The following SVIL variants were observed in gnomAD, a reference collection of about 807,000 sequenced individuals.
The protein encoded by SVIL is supervillin.
Under a neutral mutation model 240.4 loss-of-function variants are expected in SVIL, and 101 were observed. That is an observed-to-expected ratio of 0.42 (90% confidence interval 0.36 to 0.50). The LOEUF is 0.50. Ranked by LOEUF, SVIL falls within the 20% of genes least tolerant of loss-of-function variation. SVIL has a pLI of 0.01. For missense variants in SVIL, 2,512 were observed against 2,818.7 expected (o/e 0.89, Z 2.46); for synonymous variants, 999 against 1,100.0 (o/e 0.91, Z 1.82).
chr10:29,655,862 G>T (rs984982151), intron 3 of SVIL, among the ~76,000 whole-genome samples: 4 of 147,412 alleles, frequency 2.7e-5, no homozygotes, highest in Admixed American at 2.1e-4. Context: ...TCTGTTGAGT[G>T]TGTATGTGTG....
chr10:29,580,944 A>C (rs1165582241), intron 1 of SVIL, among the ~76,000 whole-genome samples: 1 of 152,156 alleles, frequency 6.6e-6, no homozygotes, highest in African/African-American at 2.4e-5. Flanking sequence ...CATCAAACCA[A>C]CCATGAGCTG....
In SVIL at chr10:29,530,473, T is replaced by TG. The variant is rs917128518; in HGVS notation, c.2106+133dup. 3.1e-5 allele frequency: 28 copies of TG among 908,700 alleles called. No homozygotes were observed. The African/African-American group carries it at 4.3e-4, about 14-fold the overall frequency. 56.3% of individuals were successfully genotyped at this position (908,700 alleles called of 1,614,324 possible). A position where few individuals can be genotyped will look rare whatever the true frequency, so the allele number is the denominator to read the frequency against. On this transcript the variant is annotated intron_variant, in intron 11 of 37. Transcript: ENST00000355867. The stretch of plus-strand genomic sequence containing the variant: ...CTTACAATTTTTATTTTTTTTGAGA[T>TG]GGGGGTCTCACTGTGTTGCCCAGGC...
At chr10:29,632,511 AG>A (rs1488120665) in intron 1 of SVIL, among the ~76,000 whole-genome samples, 1 of 151,970 alleles carries the variant, frequency 6.6e-6, no homozygotes, top group Non-Finnish European at 1.5e-5. Flanking sequence ...AAAAGAAAAA[AG>A]AAAAAAAGAA....
Position 29,494,822 on chromosome 10 carries a change from C to T in SVIL, c.3841+92G>A, listed in dbSNP as rs1315389638. 10 of 1,336,192 alleles carry T rather than the reference C, an allele frequency of 7.5e-6. No individual in the cohort carries two copies. The Admixed American group carries it at 1.5e-4, about 20-fold the overall frequency. 82.8% of individuals were successfully genotyped at this position (1,336,192 alleles called of 1,614,324 possible). A position where few individuals can be genotyped will look rare whatever the true frequency, so the allele number is the denominator to read the frequency against. On this transcript the variant is annotated intron_variant, in intron 20 of 37. Coordinates refer to ENST00000355867, the MANE Select transcript of SVIL (RefSeq NM_021738.3). Reference sequence around the variant, plus strand: ...GCTTGTTTCTCTAATCAGTCTTGACCAAAACTTCTTTTTTTTGGCTGAGGA... The same window carrying T: ...GCTTGTTTCTCTAATCAGTCTTGACTAAAACTTCTTTTTTTTGGCTGAGGA...
At chr10:29,553,881 G>C (rs1953632197) in intron 5 of SVIL, among the ~76,000 whole-genome samples, 1 of 152,148 alleles carries the variant, frequency 6.6e-6, no homozygotes. Flanking sequence ...GTGCAGCTTT[G>C]ACTCTAGCGC....
chr10:29,648,433 T>C (rs1958735013), intron 3 of SVIL, among the ~76,000 whole-genome samples: 1 of 152,196 alleles, frequency 6.6e-6, no homozygotes, highest in Non-Finnish European at 1.5e-5. Flanking sequence ...GAATCAGTAC[T>C]CTTCCATAAA....
intron 6 of SVIL, among the ~76,000 whole-genome samples, chr10:29,542,559 G>A (rs902845509): frequency 2.0e-5 from 3 of 152,062 alleles, no homozygotes; most frequent in Admixed American, 6.6e-5. Context: ...TACATAGCAA[G>A]TGTACGTATT....
At position 29,467,704 on chromosome 10, in the gene SVIL, CAAA is replaced by C. The variant is rs373715319; in HGVS notation, c.5977+35_5977+37del. ...CAAGACTCTTGTTTCCAAAAACAAA[CAAA>C]AAAACCAGATCGCAGACTGTGGATG... On this transcript the variant is annotated intron_variant, in intron 33 of 37. Transcript: ENST00000355867. 7.4e-6 allele frequency: 12 copies of C among 1,612,060 alleles called. No individual in the cohort carries two copies. In the South Asian group the frequency reaches 1.3e-4, roughly 18 times the overall value.
chr10:29,675,091 G>A (rs1332067498), intron 2 of SVIL, among the ~76,000 whole-genome samples: 2 of 152,160 alleles, frequency 1.3e-5, no homozygotes, highest in Non-Finnish European at 2.9e-5. Context: ...TTTCGAAGAG[G>A]AGGAGAGAGG....
At chr10:29,607,867 A>T (rs1021891080) in intron 1 of SVIL, among the ~76,000 whole-genome samples, 1 of 152,192 alleles carries the variant, frequency 6.6e-6, no homozygotes. Flanking sequence ...TAAGAAGAAG[A>T]TGTGAACTGA....
intron 5 of SVIL, 22 bp from the exon 6 acceptor site, chr10:29,551,285 G>T (rs772685900): frequency 2.6e-6 from 4 of 1,553,306 alleles, no homozygotes; most frequent in Admixed American, 1.9e-5. Flanking sequence ...TCACATGGAT[G>T]AGAGGTGCAG....
At chr10:29,509,339 G>GAGAGAGAGAC (rs1252151695) in intron 17 of SVIL, among the ~76,000 whole-genome samples, 2 of 55,634 alleles carry the variant, frequency 3.6e-5, no homozygotes, top group East Asian at 9.2e-4. Flanking sequence ...GGGAGAGAGA[G>GAGAGAGAGAC]AGAGAGAGAG....
chr10:29,719,062 C>T (rs7081185), intron 1 of SVIL, among the ~76,000 whole-genome samples: 19,978 of 152,106 alleles, frequency 0.13, 1,904 homozygotes, highest in African/African-American at 0.27. Flanking sequence ...GAGCTGAGAT[C>T]GTGCCACTGC....
At chr10:29,506,695 A>AG (rs1949333902) in intron 17 of SVIL, among the ~76,000 whole-genome samples, 1 of 130,496 alleles carries the variant, frequency 7.7e-6, no homozygotes, top group Non-Finnish European at 1.7e-5. Context: ...GAGGGGACAG[A>AG]GGCCCTACGA....
chr10:29,519,054 G>A (rs1950399117), intron 16 of SVIL, among the ~76,000 whole-genome samples: 1 of 152,034 alleles, frequency 6.6e-6, no homozygotes, highest in Non-Finnish European at 1.5e-5. Flanking sequence ...AAACGATGAA[G>A]GAAATCTGCA....
At chr10:29,521,437 A>G (rs1320446801) in intron 16 of SVIL, among the ~76,000 whole-genome samples, 1 of 152,092 alleles carries the variant, frequency 6.6e-6, no homozygotes, top group Non-Finnish European at 1.5e-5. Flanking sequence ...CCTAATATGG[A>G]GTTGACAAGA....
rs769786257 is a variant in SVIL at position 29,529,739 on chromosome 10, G to A, written c.2212C>T (p.Pro738Ser). ...RRLQDRSLTQPITTEEVVIAA... is the reference protein window; with the variant it reads ...RRLQDRSLTQSITTEEVVIAA... ...ATGACCACCTCTTCAGTGGTGATGG[G>A]CTGGGTGAGGGACCTGTCCTGCAGA... The change falls in exon 12 of 38, where the codon CCC becomes TCC. Residue 738 changes from proline (P) to serine (S), a missense_variant. By Grantham distance (74) the Pro-to-Ser change is moderately conservative. Transcript: ENST00000355867. The A allele has an allele frequency of 6.2e-7, 1 of 1,613,356 alleles. No individual in the cohort carries two copies. The highest frequency in any genetic ancestry group is 8.5e-7 in the Non-Finnish European group (1 of 1,179,670).
At chr10:29,555,227 T>C in intron 3 of SVIL, 119 bp from the exon 4 acceptor site, 2 of 1,047,076 alleles carry the variant, frequency 1.9e-6, no homozygotes, top group Non-Finnish European at 2.7e-6. Flanking sequence ...TATGTCACAG[T>C]GACATGCAAA....
intron 1 of SVIL, among the ~76,000 whole-genome samples, chr10:29,591,182 T>C (rs1956375923): frequency 6.6e-6 from 1 of 152,192 alleles, no homozygotes; most frequent in African/African-American, 2.4e-5. Context: ...ATATGTGAAG[T>C]GAAATGTGTT....
Sources: gnomAD v4.1 joint callset for allele counts (sites outside exome capture counted in the v4.1 genomes callset) on GRCh38, gnomAD v4.1.1 for gene constraint, MANE v1.5 for transcripts, NCBI Gene and HGNC (gene_info 2026-07-23, HGNC 2026-07-21) for gene names.